The following SH3RF2 variants were observed in gnomAD, a reference collection of about 807,000 sequenced individuals.
SH3RF2 encodes E3 ubiquitin-protein ligase SH3RF2.
SH3RF2 carries 43 observed loss-of-function variants against 59.0 expected under a neutral mutation model. The observed-to-expected ratio is 0.73, with a 90% CI of 0.57 to 0.94. The LOEUF is 0.94. Ranked by LOEUF, SH3RF2 falls within the 40% of genes least tolerant of loss-of-function variation. SH3RF2 has a pLI of 0.00. For synonymous variants in SH3RF2, 391 were observed against 391.5 expected (o/e 1.00, Z 0.01); for missense variants, 930 against 940.1 (o/e 0.99, Z 0.14).
At chr5:145,990,812 A>G (rs1015469087) in intron 2 of SH3RF2, among the ~76,000 whole-genome samples, 1 of 152,184 alleles carries the variant, frequency 6.6e-6, no homozygotes, top group African/African-American at 2.4e-5. Flanking sequence ...CTCCACACAA[A>G]CTTTATTCCT....
intron 2 of SH3RF2, among the ~76,000 whole-genome samples, chr5:145,963,336 C>T (rs902492783): frequency 6.6e-6 from 1 of 151,982 alleles, no homozygotes; most frequent in African/African-American, 2.4e-5. Context: ...TGACATAAAC[C>T]TTCCCCTTGA....
intron 2 of SH3RF2, among the ~76,000 whole-genome samples, chr5:145,961,687 C>T (rs771207229): frequency 5.9e-5 from 9 of 152,166 alleles, no homozygotes; most frequent in Non-Finnish European, 1.3e-4. Flanking sequence ...ATAAGTTGAT[C>T]AGGGCAGATG....
At chr5:145,964,456 C>T (rs917903423) in intron 2 of SH3RF2, among the ~76,000 whole-genome samples, 6 of 151,616 alleles carry the variant, frequency 4.0e-5, no homozygotes, top group African/African-American at 1.5e-4. Flanking sequence ...ACAGACGCGC[C>T]CCACCACGCC....
chr5:146,029,702 C>A (rs937055691), intron 5 of SH3RF2, among the ~76,000 whole-genome samples: 2 of 152,104 alleles, frequency 1.3e-5, no homozygotes, highest in African/African-American at 4.8e-5. Context: ...CCATTGTTTT[C>A]ATAGAAAAAC....
intron 2 of SH3RF2, among the ~76,000 whole-genome samples, chr5:145,952,840 C>G (rs1443757893): frequency 6.6e-6 from 1 of 151,958 alleles, no homozygotes; most frequent in Non-Finnish European, 1.5e-5. Context: ...CTGCAGTGGG[C>G]AGTAAAGCTT....
chr5:146,072,779 C>T (rs1763265813), intron 9 of SH3RF2, among the ~76,000 whole-genome samples: 1 of 152,186 alleles, frequency 6.6e-6, no homozygotes. Context: ...TTGCTAAGAG[C>T]CCAGTAGAGT....
intron 5 of SH3RF2, among the ~76,000 whole-genome samples, chr5:146,016,703 A>C (rs1018413526): frequency 6.6e-6 from 1 of 152,170 alleles, no homozygotes; most frequent in Non-Finnish European, 1.5e-5. Context: ...CCAAGACCAC[A>C]CTAGGCAACA....
chr5:146,054,751 C>G (rs997339364), intron 7 of SH3RF2, among the ~76,000 whole-genome samples: 1 of 152,158 alleles, frequency 6.6e-6, no homozygotes, highest in Non-Finnish European at 1.5e-5. Flanking sequence ...ATTACTTTGT[C>G]AATCAAAAGA....
chr5:146,013,098 C>G (rs539824677), intron 4 of SH3RF2, among the ~76,000 whole-genome samples: 1 of 152,112 alleles, frequency 6.6e-6, no homozygotes, highest in South Asian at 2.1e-4. Flanking sequence ...CATAAGGATT[C>G]AGGGTCCTGA....
intron 5 of SH3RF2, among the ~76,000 whole-genome samples, chr5:146,028,769 C>G (rs1201473837): frequency 6.6e-6 from 1 of 152,168 alleles, no homozygotes; most frequent in Non-Finnish European, 1.5e-5. Context: ...AAAAGATGCC[C>G]TTTCTGAATA....
rs558804560 is a variant in SH3RF2 at position 146,068,589 on chromosome 5, C to T, written c.*33+5855C>T. 1.1e-3 allele frequency among the ~76,000 whole-genome samples: 161 copies of T among 152,316 alleles called. 3 individuals carry two copies. The highest frequency in any genetic ancestry group is 1.9e-3 in the Non-Finnish European group (130 of 68,028). Reference sequence around the variant, plus strand: ...CAGAGACGTTAACTCCAAATATCCTCGTAGCAAATTGGTGTCATGGAGAAT... The same window carrying T: ...CAGAGACGTTAACTCCAAATATCCTTGTAGCAAATTGGTGTCATGGAGAAT... On this transcript the variant is annotated intron_variant, in intron 9 of 9. Transcript: ENST00000511217.
At chr5:145,995,149 C>T (rs1308290527) in intron 2 of SH3RF2, among the ~76,000 whole-genome samples, 1 of 152,138 alleles carries the variant, frequency 6.6e-6, no homozygotes, top group Non-Finnish European at 1.5e-5. Flanking sequence ...CCCTCGTCCT[C>T]AGTATTCAAG....
intron 7 of SH3RF2, among the ~76,000 whole-genome samples, chr5:146,051,149 C>T (rs1001738032): frequency 1.3e-5 from 2 of 152,072 alleles, no homozygotes; most frequent in African/African-American, 2.4e-5. Context: ...GCAGGAGAAT[C>T]GCTTCAACTG....
chr5:145,959,615 ATGTGTGTGTGTGTGTGTG>A (rs35295719), intron 2 of SH3RF2, among the ~76,000 whole-genome samples: 1 of 145,412 alleles, frequency 6.9e-6, no homozygotes, highest in Non-Finnish European at 1.5e-5. Context: ...CTATATATAT[ATGTGTGTGTGTGTGTGTG>A]TGTGTGTGTG....
intron 5 of SH3RF2, among the ~76,000 whole-genome samples, chr5:146,037,851 T>C (rs2150008448): frequency 6.6e-6 from 1 of 152,210 alleles, no homozygotes; most frequent in South Asian, 2.1e-4. Flanking sequence ...AGCCTTACTA[T>C]CAAAACCAGG....
At chr5:146,074,229 C>T (rs996137054) in intron 9 of SH3RF2, among the ~76,000 whole-genome samples, 2 of 151,754 alleles carry the variant, frequency 1.3e-5, no homozygotes, top group Non-Finnish European at 2.9e-5. Context: ...TTAGTAGAGA[C>T]GGGGTTTCAC....
At chr5:146,061,144 C>T (rs1044457717) in intron 9 of SH3RF2, among the ~76,000 whole-genome samples, 11 of 152,178 alleles carry the variant, frequency 7.2e-5, no homozygotes, top group African/African-American at 2.4e-4. Context: ...GTGCTGAGTA[C>T]TTCATGTGTC....
intron 2 of SH3RF2, among the ~76,000 whole-genome samples, chr5:145,941,677 T>C (rs1456526230): frequency 6.6e-6 from 1 of 152,150 alleles, no homozygotes; most frequent in East Asian, 1.9e-4. Flanking sequence ...TGGACTTGGG[T>C]TTGAGAAATA....
intron 2 of SH3RF2, among the ~76,000 whole-genome samples, chr5:145,987,355 G>A (rs912621826): frequency 3.3e-5 from 5 of 152,004 alleles, no homozygotes; most frequent in African/African-American, 4.8e-5. Flanking sequence ...TTCCCCCGAA[G>A]CCCCCAAAGT....
Sources: gnomAD v4.1 joint callset for allele counts (sites outside exome capture counted in the v4.1 genomes callset) on GRCh38, gnomAD v4.1.1 for gene constraint, MANE v1.5 for transcripts, NCBI Gene and HGNC (gene_info 2026-07-23, HGNC 2026-07-21) for gene names.